The following DCC variants were observed in gnomAD, a reference collection of about 807,000 sequenced individuals.
The protein encoded by DCC is DCC netrin 1 receptor.
DCC carries 58 observed loss-of-function variants against 172.5 expected under a neutral mutation model. That is an observed-to-expected ratio of 0.34 (90% CI 0.27 to 0.42). The LOEUF is 0.42. DCC is among the 10% of genes least tolerant of loss of function. The pLI, the probability that DCC is intolerant of heterozygous loss-of-function variation, is 1.00. For synonymous variants in DCC, 709 were observed against 644.5 expected (o/e 1.10, Z -1.52); for missense variants, 1,740 against 1,791.0 (o/e 0.97, Z 0.51).
intron 1 of DCC, among the ~76,000 whole-genome samples, chr18:52,627,932 G>C (rs1187652614): frequency 2.0e-5 from 3 of 152,046 alleles, no homozygotes; most frequent in Non-Finnish European, 4.4e-5. Context: ...TGGCCTTCCT[G>C]GTGTCCTGTA....
intron 7 of DCC, among the ~76,000 whole-genome samples, chr18:53,082,862 T>G (rs930196644): frequency 5.3e-5 from 8 of 152,112 alleles, no homozygotes; most frequent in African/African-American, 1.9e-4. Flanking sequence ...CTATCTCCTA[T>G]GTTCTACCTC....
At chr18:52,969,584 A>ACTCTCTCTCTCTCT (rs56024197) in intron 5 of DCC, among the ~76,000 whole-genome samples, 53 of 119,528 alleles carry the variant, frequency 4.4e-4, no homozygotes, top group Middle Eastern at 4.5e-3. Context: ...CCCGCCCCCC[A>ACTCTCTCTCTCTCT]CTCTCTCTCT....
intron 7 of DCC, among the ~76,000 whole-genome samples, chr18:53,113,093 T>C (rs1275946271): frequency 6.6e-6 from 1 of 151,390 alleles, no homozygotes; most frequent in African/African-American, 2.4e-5. Flanking sequence ...AAAAATCCCA[T>C]TAAAGTATAT....
At chr18:53,207,961 TC>T in intron 11 of DCC, 144 bp downstream of exon 11, 1 of 750,910 alleles carries the variant, frequency 1.3e-6, no homozygotes, top group Admixed American at 2.0e-5. Flanking sequence ...ATGTAAACTT[TC>T]TATCAAGATA....
In DCC at chr18:52,956,275, T is replaced by C. The variant is rs1405976342; in HGVS notation, c.985+30905T>C. Among the ~76,000 whole-genome samples the C allele has an allele frequency of 2.0e-5, 3 of 152,052 alleles. No homozygotes were observed. In the East Asian group the frequency reaches 5.8e-4, roughly 29 times the overall value. The stretch of plus-strand genomic sequence containing the variant: ...GTCTGTGTCTAGATTTTTTTTTACA[T>C]GTAGATATCCAGTTGTTTCAGTATC... On this transcript the variant is annotated intron_variant, in intron 5 of 28. Coordinates refer to ENST00000442544, the MANE Select transcript of DCC (RefSeq NM_005215.4).
chr18:52,433,223 C>A (rs1987682198), intron 1 of DCC, among the ~76,000 whole-genome samples: 1 of 151,740 alleles, frequency 6.6e-6, no homozygotes, highest in Non-Finnish European at 1.5e-5. Context: ...AAAATTAAAC[C>A]CACTTGTGTT....
intron 1 of DCC, among the ~76,000 whole-genome samples, chr18:52,527,072 A>C (rs1226789636): frequency 6.6e-6 from 1 of 152,236 alleles, no homozygotes; most frequent in Non-Finnish European, 1.5e-5. Flanking sequence ...TTATTCTTAC[A>C]GGTGTGTAAC....
chr18:53,486,548 GTTTC>G (rs1374234791), intron 25 of DCC, among the ~76,000 whole-genome samples: 1 of 152,156 alleles, frequency 6.6e-6, no homozygotes, highest in Non-Finnish European at 1.5e-5. Context: ...TTGATTAACT[GTTTC>G]TTTGTTTGGA....
At chr18:52,858,498 ATTAC>A (rs1335904039) in intron 2 of DCC, among the ~76,000 whole-genome samples, 1 of 152,146 alleles carries the variant, frequency 6.6e-6, no homozygotes, top group African/African-American at 2.4e-5. Context: ...ATTAAGACAT[ATTAC>A]TTTAGTAGAG....
chr18:52,630,223 G>A (rs1007798052), intron 1 of DCC, among the ~76,000 whole-genome samples: 1 of 152,146 alleles, frequency 6.6e-6, no homozygotes, highest in Non-Finnish European at 1.5e-5. Flanking sequence ...AGTCGTGATT[G>A]AAAGAAGATA....
At chr18:52,846,706 G>A (rs1420283224) in intron 2 of DCC, among the ~76,000 whole-genome samples, 3 of 151,154 alleles carry the variant, frequency 2.0e-5, no homozygotes, top group South Asian at 4.2e-4. Flanking sequence ...TTCAGAAATG[G>A]TGTGTCAGGT....
At chr18:52,583,736 T>C (rs2033608712) in intron 1 of DCC, among the ~76,000 whole-genome samples, 1 of 152,220 alleles carries the variant, frequency 6.6e-6, no homozygotes, top group South Asian at 2.1e-4. Context: ...TTAACAGTAA[T>C]TCTGGTTGTT....
rs376626828 is a variant in DCC, at chr18:52,756,237, G to C, written c.412+3863G>C. On this transcript the variant is annotated intron_variant, in intron 2 of 28. Coordinates refer to ENST00000442544, the MANE Select transcript of DCC (RefSeq NM_005215.4). ...TATTTAGTCCTCTAGATTGAGAACA[G>C]CTGAAGAAGGGAAGCAGCGCTGAAC... is the stretch of plus-strand genomic sequence containing the variant. Among the ~76,000 whole-genome samples the C allele has an allele frequency of 1.6e-3, 234 of 142,206 alleles. No individual in the cohort carries two copies. In the East Asian group the frequency reaches 0.021, roughly 13 times the overall value. The allele number at this position is 142,206 out of a possible 152,430, so 93.3% of individuals were successfully genotyped here.
intron 1 of DCC, among the ~76,000 whole-genome samples, chr18:52,560,047 T>C (rs2033001551): frequency 6.6e-6 from 1 of 152,210 alleles, no homozygotes; most frequent in Non-Finnish European, 1.5e-5. Flanking sequence ...CCATTTTTAT[T>C]AGCAAGGTTA....
intron 2 of DCC, among the ~76,000 whole-genome samples, chr18:52,825,283 A>G (rs569528833): frequency 1.3e-5 from 2 of 152,158 alleles, no homozygotes; most frequent in Non-Finnish European, 2.9e-5. Context: ...TAAAATGCAC[A>G]TGATTCTGCC....
At chr18:53,354,672 G>A (rs536961384) in intron 15 of DCC, among the ~76,000 whole-genome samples, 1 of 152,066 alleles carries the variant, frequency 6.6e-6, no homozygotes, top group African/African-American at 2.4e-5. Context: ...CTTTTCAGAT[G>A]AGTAGATTGC....
chr18:52,771,570 C>T (rs936259801), intron 2 of DCC, among the ~76,000 whole-genome samples: 1 of 152,190 alleles, frequency 6.6e-6, no homozygotes, highest in Non-Finnish European at 1.5e-5. Flanking sequence ...TGGTGCATTA[C>T]ACTCACTAAT....
At chr18:52,957,489 T>G (rs1249457583) in intron 5 of DCC, among the ~76,000 whole-genome samples, 1 of 152,110 alleles carries the variant, frequency 6.6e-6, no homozygotes, top group Admixed American at 6.6e-5. Flanking sequence ...TAACAAGTAT[T>G]TGTAGAACAT....
intron 12 of DCC, among the ~76,000 whole-genome samples, chr18:53,286,006 G>T (rs2056931575): frequency 6.6e-6 from 1 of 152,176 alleles, no homozygotes; most frequent in Non-Finnish European, 1.5e-5. Context: ...TATCCCTCTT[G>T]TATCTAGGAA....
Sources: allele counts gnomAD v4.1 joint callset (sites outside exome capture counted in the v4.1 genomes callset), GRCh38; gene constraint gnomAD v4.1.1; transcripts MANE v1.5; gene names NCBI Gene and HGNC (gene_info 2026-07-23, HGNC 2026-07-21).